The following CLTCL1 variants were observed in gnomAD, a reference collection of about 807,000 sequenced individuals.
CLTCL1 encodes the protein clathrin heavy chain like 1, also known as clathrin heavy chain 2.
CLTCL1 carries 159 observed loss-of-function variants against 190.0 expected under a neutral mutation model. That is an observed-to-expected ratio of 0.84 (90% CI 0.74 to 0.95). The LOEUF (loss-of-function observed/expected upper bound fraction) is 0.95. Ranked by LOEUF, CLTCL1 falls within the 40% of genes least tolerant of loss-of-function variation. The pLI is 0.00. For synonymous variants in CLTCL1, 752 were observed against 769.6 expected (o/e 0.98, Z 0.38); for missense variants, 1,878 against 2,033.4 (o/e 0.92, Z 1.47).
At chr22:19,232,945 G>C in intron 9 of CLTCL1, 1 of 588,982 alleles carries the variant, frequency 1.7e-6, no homozygotes, top group Non-Finnish European at 2.9e-6. Context: ...ACAAGATAAA[G>C]CTCCCAAATA....
At chr22:19,181,783 AG>A (rs2084148545) in intron 30 of CLTCL1, 1 of 152,214 alleles carries the variant, frequency 6.6e-6, no homozygotes, top group Non-Finnish European at 1.5e-5. Context: ...ACCCCTTGCC[AG>A]CCCCCTCCTC....
intron 26 of CLTCL1, among the ~76,000 whole-genome samples, chr22:19,195,086 G>C (rs1191860980): frequency 3.9e-5 from 6 of 152,128 alleles, no homozygotes; most frequent in African/African-American, 1.2e-4. Context: ...TTCCACCACG[G>C]CTCAGCAATT....
At chr22:19,256,264 C>T (rs1364287006) in intron 2 of CLTCL1, among the ~76,000 whole-genome samples, 1 of 151,824 alleles carries the variant, frequency 6.6e-6, no homozygotes, top group African/African-American at 2.4e-5. Context: ...CTCAAGTGAT[C>T]CTCCTGCCTC....
At position 19,291,627 on chromosome 22, in the gene CLTCL1, G is replaced by T; in HGVS notation, c.15C>A (p.Leu5=). 4 of 1,406,238 alleles carry T rather than the reference G, an allele frequency of 2.8e-6. No homozygotes were observed. The highest frequency in any genetic ancestry group is 2.8e-6 in the Non-Finnish European group (3 of 1,066,300). 87.1% of individuals were successfully genotyped at this position (1,406,238 alleles called of 1,614,324 possible). Reference sequence around the variant, plus strand: ...GGAAGTGCTCCTGAAAGCGAACAGGGAGGATCTGCGCCATGGCTGGTGCGG... The same window carrying T: ...GGAAGTGCTCCTGAAAGCGAACAGGTAGGATCTGCGCCATGGCTGGTGCGG... MAQI[L]PVRFQEHFQL... Residue 5 remains leucine, a synonymous_variant, in exon 1 of 33, where the codon CTC becomes CTA. Coordinates refer to ENST00000427926, the MANE Select transcript of CLTCL1 (RefSeq NM_007098.4).
At chr22:19,181,936 T>C (rs1288890457) in intron 30 of CLTCL1, 2 of 152,194 alleles carry the variant, frequency 1.3e-5, no homozygotes, top group Non-Finnish European at 2.9e-5. Flanking sequence ...GCAGCCACAG[T>C]GTGGACCAAC....
chr22:19,199,743 G>T lies in CLTCL1; in HGVS notation c.3864C>A (p.Cys1288Ter). 6.3e-7 allele frequency: 1 copy of T among 1,585,636 alleles called. No homozygotes were observed. Among genetic ancestry groups the T allele is most frequent in the Non-Finnish European group, 8.6e-7 (1 of 1,165,816 alleles). The change falls in exon 24 of 33, where the codon TGC becomes TGA. Residue 1288 changes from cysteine to a stop codon, truncating the protein, a stop_gained. Transcript: ENST00000427926. LOFTEE classifies it high-confidence loss of function. ...GAGATCATCTGGTCACCTGGTAATA[G>T]CACATCAGCTCCTCCAGCTCATCTG... ...IHADELEELM[C>*]YYQDRGYFEE...
intron 17 of CLTCL1, among the ~76,000 whole-genome samples, chr22:19,220,747 C>T (rs1396876986): frequency 2.6e-5 from 4 of 152,210 alleles, no homozygotes; most frequent in Non-Finnish European, 5.9e-5. Context: ...TGGCACCAAC[C>T]TCACAGGTGC....
At chr22:19,247,749 CGGG>C (rs1172348684) in intron 3 of CLTCL1, among the ~76,000 whole-genome samples, 1 of 151,814 alleles carries the variant, frequency 6.6e-6, no homozygotes, top group Non-Finnish European at 1.5e-5. Context: ...TTAGTAAAGA[CGGG>C]GTTTCACCAC....
chr22:19,221,731 G>A, intron 16 of CLTCL1, 120 bp from the exon 17 acceptor site: 2 of 1,041,332 alleles, frequency 1.9e-6, no homozygotes, highest in South Asian at 3.3e-5. Flanking sequence ...TTGACTTCAG[G>A]TTGCTCTAGG....
At chr22:19,200,766 C>T (rs1461595683) in intron 23 of CLTCL1, among the ~76,000 whole-genome samples, 3 of 152,118 alleles carry the variant, frequency 2.0e-5, no homozygotes, top group East Asian at 1.9e-4. Context: ...GGTGTGAACC[C>T]GGGAGGCAGA....
intron 27 of CLTCL1, among the ~76,000 whole-genome samples, chr22:19,188,592 G>A (rs1238419734): frequency 6.6e-6 from 1 of 151,814 alleles, no homozygotes; most frequent in Non-Finnish European, 1.5e-5. Context: ...GAAGGCTGGA[G>A]AGGCTGTGGC....
chr22:19,223,742 T>G (rs1171805901), intron 14 of CLTCL1, 149 bp downstream of exon 14: 2 of 827,824 alleles, frequency 2.4e-6, no homozygotes, highest in Non-Finnish European at 3.8e-6. Context: ...TTTAGAACTT[T>G]AAGCCATAAA....
At chr22:19,204,832 A>G (rs1399265801) in intron 22 of CLTCL1, among the ~76,000 whole-genome samples, 1 of 152,188 alleles carries the variant, frequency 6.6e-6, no homozygotes, top group African/African-American at 2.4e-5. Flanking sequence ...ACTGGCCCCT[A>G]TCTCAGGGGA....
chr22:19,213,999 T>C (rs1190742763), intron 19 of CLTCL1, among the ~76,000 whole-genome samples: 1 of 152,214 alleles, frequency 6.6e-6, no homozygotes, highest in Admixed American at 6.5e-5. Flanking sequence ...ACAGTGTTCA[T>C]TTCTACTGCT....
intron 3 of CLTCL1, among the ~76,000 whole-genome samples, chr22:19,249,651 G>A (rs147364735): frequency 5.7e-4 from 86 of 151,984 alleles, no homozygotes; most frequent in African/African-American, 1.7e-3. Context: ...AGCCGAGATC[G>A]CACCATTGCA....
At chr22:19,184,972 T>C (rs1354292819) in intron 29 of CLTCL1, 1 of 169,452 alleles carries the variant, frequency 5.9e-6, no homozygotes, top group Non-Finnish European at 1.3e-5. Context: ...CTGGTGGGTG[T>C]GGGAGGGCCC....
At chr22:19,222,554 A>T in intron 15 of CLTCL1, 130 bp downstream of exon 15, 1 of 1,080,332 alleles carries the variant, frequency 9.3e-7, no homozygotes, top group Non-Finnish European at 1.3e-6. Context: ...CAGTCTGAGC[A>T]CACGAACCCA....
At chr22:19,287,864 T>C (rs888147332) in intron 1 of CLTCL1, among the ~76,000 whole-genome samples, 1 of 152,162 alleles carries the variant, frequency 6.6e-6, no homozygotes, top group Admixed American at 6.5e-5. Flanking sequence ...CCTGGCCTTC[T>C]TCAGTAGGCA....
At position 19,233,192 on chromosome 22, in the gene CLTCL1, G is replaced by A; in HGVS notation, c.1495C>T (p.Gln499Ter). 6.2e-7 allele frequency: 1 copy of A among 1,613,730 alleles called. No homozygotes were observed. Among genetic ancestry groups the A allele is most frequent in the Non-Finnish European group, 8.5e-7 (1 of 1,179,636 alleles). Residue 499 changes from glutamine to a stop codon, truncating the protein, a stop_gained, in exon 9 of 33, where the codon CAG becomes TAG. Transcript: ENST00000427926. LOFTEE classifies it high-confidence loss of function. ...TTTTTGGCATAGAGCACAATTTTCT[G>A]GAATTGGCCTGTTTCTGCAAAACAC... The part of the protein sequence containing the change: ...IQCFAETGQF[Q>*]KIVLYAKKVG...
Sources: gnomAD v4.1 joint callset for allele counts (sites outside exome capture counted in the v4.1 genomes callset) on GRCh38, gnomAD v4.1.1 for gene constraint, MANE v1.5 for transcripts, NCBI Gene and HGNC (gene_info 2026-07-23, HGNC 2026-07-21) for gene names.